Variants in ARHGEF12 observed in about 807,000 individuals in gnomAD.
ARHGEF12 encodes Rho guanine nucleotide exchange factor 12, also known as KMT2A/ARHGEF12 fusion protein.
ARHGEF12 carries 66 observed loss-of-function variants against 211.2 expected under a neutral mutation model. That is an observed-to-expected ratio of 0.31 (90% CI 0.26 to 0.38). The LOEUF is 0.38. ARHGEF12 is among the 10% of genes least tolerant of loss of function. ARHGEF12 has a pLI of 1.00. For synonymous variants in ARHGEF12, 592 were observed against 638.4 expected, an observed-to-expected ratio of 0.93 and a Z score of 1.09; for missense variants, 1,429 against 1,869.5, an observed-to-expected ratio of 0.76 and a Z score of 4.34.
At chr11:120,447,266 C>A (rs931192699) in intron 18 of ARHGEF12, 181 bp downstream of exon 18, 7 of 569,026 alleles carry the variant, frequency 1.2e-5, no homozygotes, top group African/African-American at 1.2e-4. Context: ...AGATAAATTT[C>A]TTGTGTTCCT....
In ARHGEF12 at chr11:120,478,354, C is replaced by T; in HGVS notation, c.3731C>T (p.Ser1244Leu). 2.5e-6 allele frequency: 4 copies of T among 1,614,192 alleles called. No individual in the cohort carries two copies. Among genetic ancestry groups the T allele is most frequent in the South Asian group, 2.2e-5 (2 of 91,080 alleles). Reference protein sequence around the residue: ...IAIPDSHLPVSEERWALDALR... With the variant: ...IAIPDSHLPVLEERWALDALR... ...ATCCCAGATTCACACCTGCCTGTCT[C>T]AGAAGAACGGTGGGCATTGGATGCA... The change falls in exon 37 of 41, where the codon TCA (serine) becomes TTA (leucine). Residue 1244 changes from serine (S) to leucine (L), a missense_variant. Coordinates refer to ENST00000397843, the MANE Select transcript of ARHGEF12 (RefSeq NM_015313.3).
At chr11:120,341,656 T>C (rs190133884) in intron 1 of ARHGEF12, among the ~76,000 whole-genome samples, 1 of 152,322 alleles carries the variant, frequency 6.6e-6, no homozygotes, top group Non-Finnish European at 1.5e-5. Flanking sequence ...TTTTGCATCA[T>C]GGTTGTCTGA....
At chr11:120,452,999 C>CA (rs1376118545) in intron 22 of ARHGEF12, among the ~76,000 whole-genome samples, 23 of 121,810 alleles carry the variant, frequency 1.9e-4, no homozygotes, top group African/African-American at 6.0e-4. Context: ...GACTCCATCT[C>CA]AAAAAACAAA....
intron 17 of ARHGEF12, 117 bp downstream of exon 17, chr11:120,446,625 G>T: frequency 1.3e-6 from 1 of 785,502 alleles, no homozygotes; most frequent in Non-Finnish European, 2.0e-6. Context: ...TGGTCTTATT[G>T]TTATTAAAAC....
chr11:120,409,225 T>TA (rs1272571860), intron 3 of ARHGEF12, 169 bp from the exon 4 acceptor site: 2 of 582,086 alleles, frequency 3.4e-6, no homozygotes, highest in African/African-American at 3.7e-5. Flanking sequence ...AATATGTCAT[T>TA]ACCTGTGCTG....
chr11:120,406,593 C>G (rs1004009888), intron 2 of ARHGEF12, among the ~76,000 whole-genome samples: 9 of 152,108 alleles, frequency 5.9e-5, no homozygotes, highest in South Asian at 2.1e-4. Flanking sequence ...GGATCTCACT[C>G]TGTTGCCCAG....
At position 120,487,293 on chromosome 11, in the gene ARHGEF12, C is replaced by T; in HGVS notation, c.*2216C>T. Reference sequence around the variant, plus strand: ...TGCAGTTCAATTTCTCCTTGGAACTCTAACAGGACTAACTGGAAAAATACT... The same window carrying T: ...TGCAGTTCAATTTCTCCTTGGAACTTTAACAGGACTAACTGGAAAAATACT... On this transcript the variant is annotated 3_prime_UTR_variant, in exon 41 of 41. Transcript: ENST00000397843. The T allele has an allele frequency of 4.6e-6, 1 of 219,544 alleles. No individual in the cohort carries two copies. Among genetic ancestry groups the T allele is most frequent in the Non-Finnish European group, 9.1e-6 (1 of 109,584 alleles). 13.6% of individuals were successfully genotyped at this position (219,544 alleles called of 1,614,324 possible). A position where few individuals can be genotyped will look rare whatever the true frequency, so the allele number is the denominator to read the frequency against.
intron 1 of ARHGEF12, among the ~76,000 whole-genome samples, chr11:120,368,625 A>G (rs866715111): frequency 1.3e-5 from 2 of 152,196 alleles, no homozygotes; most frequent in African/African-American, 2.4e-5. Context: ...TGGTCACACA[A>G]TCCATTGAGT....
chr11:120,462,833 C>T (rs1026216122), intron 27 of ARHGEF12: 2 of 152,178 alleles, frequency 1.3e-5, no homozygotes, highest in South Asian at 2.1e-4. Flanking sequence ...GTTCCAACTT[C>T]GACAGTTTTT....
intron 25 of ARHGEF12, 130 bp from the exon 26 acceptor site, chr11:120,459,044 T>C: frequency 1.2e-6 from 1 of 814,110 alleles, no homozygotes; most frequent in Non-Finnish European, 1.7e-6. Flanking sequence ...TTCAGAGATA[T>C]TTCATCCTTT....
intron 1 of ARHGEF12, among the ~76,000 whole-genome samples, chr11:120,346,803 A>G (rs956129925): frequency 2.0e-5 from 3 of 152,158 alleles, no homozygotes; most frequent in African/African-American, 4.8e-5. Flanking sequence ...TGTACGGACA[A>G]TCTTGGTTTA....
chr11:120,351,001 T>C (rs964074407), intron 1 of ARHGEF12, among the ~76,000 whole-genome samples: 6 of 152,110 alleles, frequency 3.9e-5, no homozygotes, highest in Admixed American at 6.5e-5. Flanking sequence ...CTCTAATATT[T>C]TAGACTTTGA....
chr11:120,344,743 TTAAA>T (rs1443532228), intron 1 of ARHGEF12, among the ~76,000 whole-genome samples: 2 of 152,170 alleles, frequency 1.3e-5, no homozygotes, highest in East Asian at 1.9e-4. Flanking sequence ...GATATGAGAG[TTAAA>T]TGAATGTTTG....
intron 29 of ARHGEF12, 81 bp downstream of exon 29, chr11:120,467,389 C>T (rs1191216600): frequency 2.5e-5 from 18 of 731,748 alleles, no homozygotes; most frequent in East Asian, 8.6e-5. Flanking sequence ...TATCTTACAG[C>T]GTCCTGAATG....
intron 20 of ARHGEF12, chr11:120,448,894 C>G (rs998117008): frequency 2.3e-6 from 1 of 430,548 alleles, no homozygotes; most frequent in African/African-American, 2.0e-5. Context: ...CCAAAGCTGT[C>G]AGTGATAAAG....
At chr11:120,367,976 G>A (rs1162681462) in intron 1 of ARHGEF12, among the ~76,000 whole-genome samples, 1 of 151,950 alleles carries the variant, frequency 6.6e-6, no homozygotes, top group Non-Finnish European at 1.5e-5. Context: ...GCAAGACCTC[G>A]TCTCAAAAAT....
At chr11:120,467,989 A>G (rs183765171) in intron 29 of ARHGEF12, among the ~76,000 whole-genome samples, 1 of 152,280 alleles carries the variant, frequency 6.6e-6, no homozygotes, top group East Asian at 1.9e-4. Context: ...AAAGTGTAAA[A>G]TTATCTGGTT....
At chr11:120,422,645 C>T (rs538391632) in intron 6 of ARHGEF12, among the ~76,000 whole-genome samples, 4 of 152,298 alleles carry the variant, frequency 2.6e-5, no homozygotes, top group Non-Finnish European at 2.9e-5. Flanking sequence ...CAAAACACTT[C>T]TTCTGGTACC....
intron 37 of ARHGEF12, among the ~76,000 whole-genome samples, chr11:120,479,310 A>C (rs979852565): frequency 6.6e-6 from 1 of 152,218 alleles, no homozygotes; most frequent in Non-Finnish European, 1.5e-5. Context: ...TGATGAGAGC[A>C]GAGAATTGGT....
Sources: allele counts gnomAD v4.1 joint callset (sites outside exome capture counted in the v4.1 genomes callset), GRCh38; gene constraint gnomAD v4.1.1; transcripts MANE v1.5; gene names NCBI Gene and HGNC (gene_info 2026-07-23, HGNC 2026-07-21).